The following INSL6 variants were observed in gnomAD, a reference collection of about 807,000 sequenced individuals.
INSL6 encodes the protein insulin like 6.
In INSL6, 16 loss-of-function variants were observed where a neutral mutation model predicts 9.4. The observed-to-expected ratio is 1.70, with a 90% CI of 1.15 to 2.59. The LOEUF (loss-of-function observed/expected upper bound fraction) is 2.59. INSL6 is among the 30% of genes most tolerant of loss of function. The probability of loss-of-function intolerance (pLI) is 0.00; values close to 1 mark genes in which losing one functional copy is unlikely to be tolerated. For missense variants in INSL6, 391 were observed against 257.3 expected (o/e 1.52, Z -3.56); for synonymous variants, 154 against 96.9 (o/e 1.59, Z -3.46).
the INSL6 span, among the ~76,000 whole-genome samples, chr9:5,117,723 C>G: frequency 6.6e-6 from 1 of 151,752 alleles, no homozygotes; most frequent in Non-Finnish European, 1.5e-5. Context: ...ATGGTAAATA[C>G]TGGTAGATAT....
the INSL6 span, among the ~76,000 whole-genome samples, chr9:5,017,846 T>C: frequency 6.6e-6 from 1 of 152,240 alleles, no homozygotes; most frequent in Admixed American, 6.5e-5. Context: ...AGAATTGTTA[T>C]ATCCTCTTGA....
chr9:5,030,426 C>T, the INSL6 span, among the ~76,000 whole-genome samples: 1 of 151,912 alleles, frequency 6.6e-6, no homozygotes, highest in African/African-American at 2.4e-5. Flanking sequence ...AAGGATGAAA[C>T]AAAGATACGT....
chr9:5,151,022 A>G (rs985468610), intron 2 of INSL6, among the ~76,000 whole-genome samples: 5 of 152,214 alleles, frequency 3.3e-5, no homozygotes, highest in African/African-American at 1.2e-4. Flanking sequence ...AGTGGGACCT[A>G]AATAATGTAC....
At chr9:5,101,618 C>T in the INSL6 span, among the ~76,000 whole-genome samples, 1 of 152,252 alleles carries the variant, frequency 6.6e-6, no homozygotes, top group African/African-American at 2.4e-5. Context: ...GGAGACACCT[C>T]CCAGTAGAGG....
the INSL6 span, among the ~76,000 whole-genome samples, chr9:5,070,725 A>C: frequency 4.6e-5 from 7 of 152,102 alleles, no homozygotes; most frequent in African/African-American, 1.2e-4. Context: ...ATTGAAAAAA[A>C]CCCACATATA....
chr9:5,122,634 T>A (rs960996170), downstream of INSL6, among the ~76,000 whole-genome samples: 1 of 152,082 alleles, frequency 6.6e-6, no homozygotes, highest in African/African-American at 2.4e-5. Flanking sequence ...ACTCAGCATA[T>A]ATCCATATTC....
chr9:5,055,675 C>G, the INSL6 span: 1 of 1,568,890 alleles, frequency 6.4e-7, no homozygotes. Context: ...ATAGGATTTA[C>G]AGTTATATTG....
downstream of INSL6, among the ~76,000 whole-genome samples, chr9:5,161,450 T>A (rs531802745): frequency 6.6e-6 from 1 of 152,196 alleles, no homozygotes; most frequent in African/African-American, 2.4e-5. Context: ...AAGCCATATA[T>A]GATAGACCCA....
the INSL6 span, chr9:5,114,788 G>A: frequency 3.2e-6 from 1 of 313,852 alleles, no homozygotes; most frequent in Non-Finnish European, 6.3e-6. Context: ...AGTAACTGTT[G>A]TCTGTAAATC....
chr9:5,000,462 C>G, the INSL6 span, among the ~76,000 whole-genome samples: 1 of 152,012 alleles, frequency 6.6e-6, no homozygotes, highest in African/African-American at 2.4e-5. Flanking sequence ...AGGAATGATT[C>G]AAATATAAAG....
the INSL6 span, chr9:5,041,153 CGCAT>C: frequency 5.6e-4 from 649 of 1,148,760 alleles, 2 homozygotes; most frequent in Middle Eastern, 5.4e-3. Flanking sequence ...GCTGATCACG[CGCAT>C]GGATTATGTG....
chr9:5,043,231 T>C, the INSL6 span, among the ~76,000 whole-genome samples: 1 of 152,170 alleles, frequency 6.6e-6, no homozygotes, highest in Non-Finnish European at 1.5e-5. Context: ...GCCGTGAGTC[T>C]GGTTTTTGCT....
chr9:5,025,436 T>A, the INSL6 span, among the ~76,000 whole-genome samples: 1 of 152,150 alleles, frequency 6.6e-6, no homozygotes, highest in African/African-American at 2.4e-5. Flanking sequence ...TTTTTCTTTC[T>A]TCATTGTTAT....
At chr9:5,180,221 C>T (rs987554596) in intron 1 of INSL6, among the ~76,000 whole-genome samples, 1 of 152,192 alleles carries the variant, frequency 6.6e-6, no homozygotes, top group Non-Finnish European at 1.5e-5. Context: ...TCTTCGTAAG[C>T]TGAGGATGTA....
chr9:5,142,266 T>C (rs1436845865), intron 2 of INSL6, among the ~76,000 whole-genome samples: 1 of 152,176 alleles, frequency 6.6e-6, no homozygotes, highest in East Asian at 1.9e-4. Flanking sequence ...AATGGTAGCT[T>C]AACAGGTATA....
At chr9:5,007,607 A>G in the INSL6 span, among the ~76,000 whole-genome samples, 1 of 146,528 alleles carries the variant, frequency 6.8e-6, no homozygotes, top group African/African-American at 2.8e-5. Flanking sequence ...GCAACTTAAT[A>G]TACTTTTATT....
the INSL6 span, among the ~76,000 whole-genome samples, chr9:5,002,617 T>C: frequency 0.089 from 13,493 of 151,966 alleles, 1,745 homozygotes; most frequent in African/African-American, 0.29. Flanking sequence ...TGTTGGGCAT[T>C]GTGTTCTGTA....
intron 1 of INSL6, among the ~76,000 whole-genome samples, chr9:5,169,123 G>C (rs1422765779): frequency 6.6e-6 from 1 of 152,116 alleles, no homozygotes; most frequent in Admixed American, 6.5e-5. Flanking sequence ...ACAGGGTTTT[G>C]CCATGTTGGC....
chr9:5,103,182 A>G, the INSL6 span, among the ~76,000 whole-genome samples: 1 of 147,826 alleles, frequency 6.8e-6, no homozygotes, highest in East Asian at 2.0e-4. Flanking sequence ...TGGGCTCAAA[A>G]TAAAGGGATG....
Sources: allele counts gnomAD v4.1 joint callset (sites outside exome capture counted in the v4.1 genomes callset), GRCh38; gene constraint gnomAD v4.1.1; transcripts MANE v1.5; gene names NCBI Gene and HGNC (gene_info 2026-07-23, HGNC 2026-07-21).